ZNF518B: variants seen among roughly 807,000 people sequenced by gnomAD.
ZNF518B encodes zinc finger protein 518B.
A neutral mutation model predicts 56.3 loss-of-function variants in ZNF518B; 23 were observed. The ratio of observed to expected loss-of-function variants is 0.41; its 90% CI spans 0.29 to 0.58. The LOEUF (loss-of-function observed/expected upper bound fraction) is 0.58. Among genes scored for constraint, ZNF518B ranks in the 20% least tolerant of loss-of-function variants. ZNF518B has a pLI of 0.32. For synonymous variants in ZNF518B, 529 were observed against 465.9 expected, an observed-to-expected ratio of 1.14 and a Z score of -1.74; for missense variants, 1,460 against 1,272.1, an observed-to-expected ratio of 1.15 and a Z score of -2.25.
At chr4:10,460,784 G>A (rs971142233), upstream of ZNF518B, among the ~76,000 whole-genome samples, 8 of 151,964 alleles carry the variant, frequency 5.3e-5, no homozygotes, top group Non-Finnish European at 1.2e-4. Flanking sequence ...GGCCTCTACC[G>A]CTCCCGAATA....
Position 10,444,941 on chromosome 4 carries a change from A to C in ZNF518B, c.1388T>G (p.Phe463Cys), listed in dbSNP as rs756555322. 1 of 1,609,636 alleles carries C rather than the reference A, an allele frequency of 6.2e-7. No homozygotes were observed. Among genetic ancestry groups the C allele is most frequent in the Non-Finnish European group, 8.5e-7 (1 of 1,178,726 alleles). The change falls in exon 3 of 3, where the codon TTT (phenylalanine) becomes TGT (cysteine). Residue 463 changes from phenylalanine (F) to cysteine (C), a missense_variant. Physicochemically the swap from Phe to Cys is radical, Grantham distance 205 (BLOSUM62 -2). Coordinates refer to ENST00000326756, the MANE Select transcript of ZNF518B (RefSeq NM_053042.3). ...SFINSETIED[F>C]QKKNNLYPHR... is the part of the protein sequence containing the mutation. ...TGGATACAAATTATTTTTTTTCTGA[A>C]AATCCTCAATTGTTTCCGAATTAAT...
At chr4:10,452,488 C>T (rs1287819772) in intron 2 of ZNF518B, 7 of 151,900 alleles carry the variant, frequency 4.6e-5, no homozygotes, top group Non-Finnish European at 4.4e-5. Flanking sequence ...CAATTAAAAT[C>T]AATCAGGAAA....
rs769719673 is a variant in ZNF518B at position 10,443,256 on chromosome 4, C to T, written c.3073G>A (p.Asp1025Asn). Reference protein sequence around the residue: ...KVHKNNYQVVDSLPDDSSQCV... With the variant: ...KVHKNNYQVVNSLPDDSSQCV... ...TGTGAAGAATCATCAGGCAAGGAAT[C>T]CACTACCTGGTAGTTGTTTTTATGA... Residue 1025 changes from aspartate to asparagine, a missense_variant, in exon 3 of 3, where the codon GAT (aspartate) becomes AAT (asparagine). Asp to Asn is a conservative substitution (Grantham distance 23, BLOSUM62 1). Coordinates refer to ENST00000326756, the MANE Select transcript of ZNF518B (RefSeq NM_053042.3). The T allele has an allele frequency of 1.2e-6, 2 of 1,614,180 alleles. No individual in the cohort carries two copies. Among genetic ancestry groups the T allele is most frequent in the Admixed American group, 3.3e-5 (2 of 60,022 alleles).
upstream of ZNF518B, among the ~76,000 whole-genome samples, chr4:10,459,292 G>A (rs1019752532): frequency 6.6e-6 from 1 of 152,150 alleles, no homozygotes; most frequent in Non-Finnish European, 1.5e-5. Flanking sequence ...CTGAAAAAGG[G>A]TCAAGGAAAA....
chr4:10,448,584 G>A (rs969782718), intron 2 of ZNF518B, among the ~76,000 whole-genome samples: 4 of 152,104 alleles, frequency 2.6e-5, no homozygotes, highest in Admixed American at 2.6e-4. Context: ...CAAGCCCTCA[G>A]TCAGACTTGC....
chr4:10,457,130 C>G (rs994688997), intron 1 of ZNF518B, 187 bp downstream of exon 1: 1 of 148,926 alleles, frequency 6.7e-6, no homozygotes, highest in East Asian at 1.9e-4. Flanking sequence ...CGCGTTCGGC[C>G]TACCCGGTGC....
chr4:10,451,905 A>G (rs544754371), intron 2 of ZNF518B: 3 of 152,330 alleles, frequency 2.0e-5, no homozygotes, highest in Non-Finnish European at 2.9e-5. Context: ...TAGCAAATGA[A>G]TGTGTTTCTG....
At position 10,443,120 on chromosome 4, in the gene ZNF518B, G is replaced by T; in HGVS notation, c.3209C>A (p.Ser1070Tyr). ...ACTGTTTACTTATTTGCCCTTGGAGGAAAGAACATCCCAATCTCTAGTTGC... is the reference window on the plus strand; with the variant it reads ...ACTGTTTACTTATTTGCCCTTGGAGTAAAGAACATCCCAATCTCTAGTTGC... Reference protein sequence around the residue: ...IEATRDWDVLSSKGK With the variant: ...IEATRDWDVLYSKGK The change falls in exon 3 of 3, where the codon TCC (serine) becomes TAC (tyrosine). Residue 1070 changes from serine (S) to tyrosine (Y), a missense_variant. By Grantham distance (144) the Ser-to-Tyr change is moderately radical. Transcript: ENST00000326756. 1 of 1,612,008 alleles carries T rather than the reference G, an allele frequency of 6.2e-7. No homozygotes were observed. The highest frequency in any genetic ancestry group is 8.5e-7 in the Non-Finnish European group (1 of 1,178,954).
intron 1 of ZNF518B, among the ~76,000 whole-genome samples, chr4:10,456,956 C>A (rs1715564872): frequency 6.6e-6 from 1 of 150,908 alleles, no homozygotes; most frequent in Admixed American, 6.6e-5. Flanking sequence ...CTCGGTCGCC[C>A]CGGCGCGTCG....
chr4:10,452,253 T>TC (rs1323574747), intron 2 of ZNF518B: 1 of 152,164 alleles, frequency 6.6e-6, no homozygotes, highest in Non-Finnish European at 1.5e-5. Flanking sequence ...AAATAATTTT[T>TC]CTCTGTGCAT....
intron 2 of ZNF518B, chr4:10,451,336 A>G (rs1312553333): frequency 6.6e-6 from 1 of 152,230 alleles, no homozygotes; most frequent in Non-Finnish European, 1.5e-5. Flanking sequence ...TTTGAAGAGA[A>G]GTAAGTGGTA....
In ZNF518B at chr4:10,444,039, C is replaced by T. The variant is rs1284803175; in HGVS notation, c.2290G>A (p.Ala764Thr). ...RKTKSRVARK[A>T]HVATPVLIPK... ...ATTAACACTGGCGTGGCAACATGAG[C>T]CTTCCTGGCCACTCTGCTTTTGGTT... Residue 764 changes from alanine (A) to threonine (T), a missense_variant, in exon 3 of 3, where the codon GCT becomes ACT. Ala to Thr is a moderately conservative substitution (Grantham distance 58, BLOSUM62 0). Coordinates refer to ENST00000326756, the MANE Select transcript of ZNF518B (RefSeq NM_053042.3). The T allele has an allele frequency of 6.2e-7, 1 of 1,614,186 alleles. No homozygotes were observed. Among genetic ancestry groups the T allele is most frequent in the South Asian group, 1.1e-5 (1 of 91,082 alleles).
chr4:10,458,458 C>T (rs1031326454), upstream of ZNF518B, among the ~76,000 whole-genome samples: 10 of 152,170 alleles, frequency 6.6e-5, no homozygotes, highest in African/African-American at 2.4e-4. Flanking sequence ...GCAGTACTGC[C>T]ACACGGAGAA....
At chr4:10,450,936 A>C (rs1715276923) in intron 2 of ZNF518B, 1 of 152,234 alleles carries the variant, frequency 6.6e-6, no homozygotes, top group African/African-American at 2.4e-5. Context: ...GCCTGTTTTC[A>C]AAAAATTATT....
chr4:10,451,776 A>T (rs763820510), intron 2 of ZNF518B: 3 of 152,216 alleles, frequency 2.0e-5, no homozygotes, highest in Non-Finnish European at 2.9e-5. Flanking sequence ...TACCATAGAA[A>T]AGATGCTCCA....
chr4:10,451,855 C>T (rs1011517477), intron 2 of ZNF518B: 3 of 152,204 alleles, frequency 2.0e-5, no homozygotes, highest in African/African-American at 7.2e-5. Flanking sequence ...TTTCCTCACC[C>T]ACTTCTCTCA....
chr4:10,448,505 G>A (rs1448260026), intron 2 of ZNF518B, among the ~76,000 whole-genome samples: 1 of 152,116 alleles, frequency 6.6e-6, no homozygotes, highest in African/African-American at 2.4e-5. Context: ...CTTTGGCAGT[G>A]TCGTCTTTTC....
intron 2 of ZNF518B, 116 bp downstream of exon 2, chr4:10,454,689 G>A (rs543754893): frequency 1.3e-5 from 2 of 152,340 alleles, no homozygotes; most frequent in African/African-American, 4.8e-5. Flanking sequence ...CACAGAGTTG[G>A]TGAACAGCTG....
Position 10,456,089 on chromosome 4 carries a change from T to C in ZNF518B, c.-395-1101A>G, listed in dbSNP as rs374652544. ...AGAGACCCAGGTTTGTCTTAATTCT[T>C]GGTGATTTCAAGTCTAAACTTAAGA... is the stretch of plus-strand genomic sequence containing the variant. On this transcript the variant is annotated intron_variant, in intron 1 of 2. Coordinates refer to ENST00000326756, the MANE Select transcript of ZNF518B (RefSeq NM_053042.3). Among the ~76,000 whole-genome samples, 46 of 152,304 alleles carry C rather than the reference T, an allele frequency of 3.0e-4. 3 individuals carry two copies. In the South Asian group the frequency reaches 9.5e-3, roughly 32 times the overall value.
Sources: gnomAD v4.1 joint callset for allele counts (sites outside exome capture counted in the v4.1 genomes callset) on GRCh38, gnomAD v4.1.1 for gene constraint, MANE v1.5 for transcripts, NCBI Gene and HGNC (gene_info 2026-07-23, HGNC 2026-07-21) for gene names.